The following PDE10A variants were observed in gnomAD, a reference collection of about 807,000 sequenced individuals.
PDE10A encodes the protein cAMP and cAMP-inhibited cGMP 3',5'-cyclic phosphodiesterase 10A.
A neutral mutation model predicts 97.7 loss-of-function variants in PDE10A; 39 were observed. The observed-to-expected ratio is 0.40, with a 90% CI of 0.31 to 0.52. The LOEUF is 0.52. PDE10A is among the 20% of genes least tolerant of loss of function. The probability of loss-of-function intolerance (pLI) is 0.56; values close to 1 mark genes in which losing one functional copy is unlikely to be tolerated. For synonymous variants in PDE10A, 371 were observed against 376.8 expected (o/e 0.98, Z 0.18); for missense variants, 731 against 1,047.8 (o/e 0.70, Z 4.17).
At chr6:165,531,077 C>T (rs1204215361) in intron 2 of PDE10A, among the ~76,000 whole-genome samples, 1 of 151,942 alleles carries the variant, frequency 6.6e-6, no homozygotes, top group African/African-American at 2.4e-5. Context: ...TTAATCAACT[C>T]TAGTCATTCT....
At chr6:165,688,598 A>G in intron 1 of PDE10A, among the ~76,000 whole-genome samples, 1 of 152,190 alleles carries the variant, frequency 6.6e-6, no homozygotes, top group Non-Finnish European at 1.5e-5. Context: ...TGGGCAGTGG[A>G]ATGGACACGC....
intron 1 of PDE10A, among the ~76,000 whole-genome samples, chr6:165,919,833 A>G (rs1029685699): frequency 4.2e-4 from 49 of 116,024 alleles, no homozygotes; most frequent in African/African-American, 1.5e-3. Context: ...GAAAGCAAAT[A>G]CAAAGCTCAG....
chr6:165,437,760 C>A (rs2128241430), intron 5 of PDE10A, among the ~76,000 whole-genome samples: 1 of 152,318 alleles, frequency 6.6e-6, no homozygotes, highest in East Asian at 1.9e-4. Flanking sequence ...ACAACACACA[C>A]TTGTTTGTTG....
intron 1 of PDE10A, among the ~76,000 whole-genome samples, chr6:165,684,880 C>A (rs935815714): frequency 1.3e-5 from 2 of 152,182 alleles, no homozygotes. Context: ...ACACTGTGAT[C>A]AACTGAACCA....
intron 1 of PDE10A, chr6:165,773,153 T>A (rs1167504123): frequency 6.6e-6 from 1 of 152,242 alleles, no homozygotes; most frequent in Non-Finnish European, 1.5e-5. Flanking sequence ...CCGTATCTGG[T>A]CGCTTCCAAC....
chr6:165,550,828 T>C (rs551198954), intron 1 of PDE10A, among the ~76,000 whole-genome samples: 55 of 152,292 alleles, frequency 3.6e-4, no homozygotes, highest in Admixed American at 2.0e-3. Flanking sequence ...AAATGTTCAA[T>C]GAAAGGAAAA....
intron 1 of PDE10A, among the ~76,000 whole-genome samples, chr6:165,836,173 G>A (rs1780058994): frequency 1.3e-5 from 2 of 152,212 alleles, no homozygotes; most frequent in Non-Finnish European, 2.9e-5. Context: ...TGTGACTGGT[G>A]AGAAGCAAGA....
intron 3 of PDE10A, among the ~76,000 whole-genome samples, chr6:165,462,400 C>T (rs1024048997): frequency 3.9e-5 from 6 of 152,138 alleles, no homozygotes; most frequent in Admixed American, 6.5e-5. Flanking sequence ...GCAGAACAAC[C>T]GATTTGGTGG....
chr6:165,370,564 C>T (rs1478675121), intron 18 of PDE10A, among the ~76,000 whole-genome samples: 1 of 149,592 alleles, frequency 6.7e-6, no homozygotes, highest in Non-Finnish European at 1.5e-5. Context: ...TACAGGAGCA[C>T]CCAGATTCAC....
Position 165,856,627 on chromosome 6 carries a change from A to G in PDE10A, c.-615+130902T>C, listed in dbSNP as rs1226378849. Among the ~76,000 whole-genome samples, 7 of 152,310 alleles carry G rather than the reference A, an allele frequency of 4.6e-5. No homozygotes were observed. The South Asian group carries it at 1.5e-3, about 32-fold the overall frequency. On this transcript the variant is annotated intron_variant, in intron 1 of 19. Coordinates refer to the PDE10A transcript ENST00000366882. ...AGTTTTAAAGATCAACTTACAGAAC[A>G]TTTTTACTCTATTATACACGTTGTT... is the stretch of plus-strand genomic sequence containing the variant.
chr6:165,497,657 T>C (rs552693888), intron 2 of PDE10A, among the ~76,000 whole-genome samples: 1 of 152,316 alleles, frequency 6.6e-6, no homozygotes, highest in African/African-American at 2.4e-5. Context: ...TCTACAACTG[T>C]GTTGATTCTG....
chr6:165,794,124 C>CAA (rs1778744901), intron 1 of PDE10A, among the ~76,000 whole-genome samples: 1 of 151,678 alleles, frequency 6.6e-6, no homozygotes, highest in Non-Finnish European at 1.5e-5. Context: ...CATACACACA[C>CAA]ACACACACGC....
At chr6:165,610,245 A>C (rs1479949533) in intron 1 of PDE10A, among the ~76,000 whole-genome samples, 8 of 152,230 alleles carry the variant, frequency 5.3e-5, no homozygotes, top group Non-Finnish European at 1.2e-4. Flanking sequence ...CCTGACAAAA[A>C]CAAGAAATGG....
At chr6:165,929,339 C>T (rs899653832) in intron 1 of PDE10A, among the ~76,000 whole-genome samples, 2 of 152,178 alleles carry the variant, frequency 1.3e-5, no homozygotes, top group African/African-American at 4.8e-5. Flanking sequence ...TTTTTCTCTC[C>T]TCAGATGTGT....
At chr6:165,856,879 C>A (rs1037057373) in intron 1 of PDE10A, among the ~76,000 whole-genome samples, 3 of 152,234 alleles carry the variant, frequency 2.0e-5, no homozygotes, top group Non-Finnish European at 4.4e-5. Context: ...TTAAAGAATT[C>A]GACTCTGGGA....
In PDE10A at chr6:165,678,975, G is replaced by A. The variant is rs371862824; in HGVS notation, c.-614-135407C>T. 2.8e-4 allele frequency among the ~76,000 whole-genome samples: 42 copies of A among 152,288 alleles called. No individual in the cohort carries two copies. In the East Asian group the frequency reaches 7.5e-3, roughly 27 times the overall value. On this transcript the variant is annotated intron_variant, in intron 1 of 19. Transcript: ENST00000366882. The stretch of plus-strand genomic sequence containing the variant: ...ATTATTAGATGAAAGGAGATGGGAC[G>A]TTGTCTAGAAAAATCATCCCATTGA...
intron 1 of PDE10A, among the ~76,000 whole-genome samples, chr6:165,826,641 G>C (rs971695793): frequency 6.6e-6 from 1 of 152,146 alleles, no homozygotes; most frequent in Admixed American, 6.5e-5. Context: ...TGGTGCGGGG[G>C]AGGCCGAGGT....
rs906768798 is a variant in PDE10A, at chr6:165,327,557, C to G, written c.*5468G>C. The G allele has an allele frequency of 1.3e-5, 2 of 152,028 alleles. No individual in the cohort carries two copies. Among genetic ancestry groups the G allele is most frequent in the Non-Finnish European group, 2.9e-5 (2 of 68,000 alleles). 9.4% of individuals were successfully genotyped at this position (152,028 alleles called of 1,614,324 possible). ...AATAAATGATTACTGTTCTATTATA[C>G]AAACATAACAGTAAATGTTTTTTAA... is the stretch of plus-strand genomic sequence containing the variant. On this transcript the variant is annotated 3_prime_UTR_variant, in exon 22 of 22. Coordinates refer to ENST00000539869, the MANE Select transcript of PDE10A (RefSeq NM_001385079.1).
intron 2 of PDE10A, among the ~76,000 whole-genome samples, chr6:165,488,531 C>T (rs1780047802): frequency 6.6e-6 from 1 of 152,152 alleles, no homozygotes; most frequent in African/African-American, 2.4e-5. Flanking sequence ...TGTGTAAAGC[C>T]ACATCGTGAA....
Sources: allele counts gnomAD v4.1 joint callset (sites outside exome capture counted in the v4.1 genomes callset), GRCh38; gene constraint gnomAD v4.1.1; transcripts MANE v1.5; gene names NCBI Gene and HGNC (gene_info 2026-07-23, HGNC 2026-07-21).